The following PLCXD2 variants were observed in gnomAD, a reference collection of about 807,000 sequenced individuals.
PLCXD2 encodes the protein PI-PLC X domain-containing protein 2.
Under a neutral mutation model 28.6 loss-of-function variants are expected in PLCXD2, and 21 were observed. The observed-to-expected ratio is 0.73, with a 90% CI of 0.52 to 1.06. PLCXD2 has a LOEUF of 1.06. Among genes scored for constraint, PLCXD2 ranks in the 50% least tolerant of loss-of-function variants. PLCXD2 has a pLI of 0.00. For synonymous variants in PLCXD2, 140 were observed against 150.1 expected (o/e 0.93, Z 0.49); for missense variants, 369 against 376.7 (o/e 0.98, Z 0.17).
At position 111,690,285 on chromosome 3, in the gene PLCXD2, C is replaced by A. The variant is rs140990396; in HGVS notation, c.163+14877C>A. Among the ~76,000 whole-genome samples the A allele has an allele frequency of 7.0e-4, 107 of 152,262 alleles. 2 individuals carry two copies. Among genetic ancestry groups the A allele is most frequent in the African/African-American group, 2.5e-3 (105 of 41,538 alleles). ...TCTTTTCATCTGAGGCCATTTGCTC[C>A]CATGTCGGGACTCTAATGCATGAGC... On this transcript the variant is annotated intron_variant, in intron 1 of 4. Transcript: ENST00000477665.
At chr3:111,686,494 T>C (rs1374169910) in intron 1 of PLCXD2, among the ~76,000 whole-genome samples, 3 of 152,214 alleles carry the variant, frequency 2.0e-5, no homozygotes, top group Non-Finnish European at 4.4e-5. Flanking sequence ...CCCACATGCC[T>C]CATGGAAAAT....
intron 1 of PLCXD2, among the ~76,000 whole-genome samples, chr3:111,697,772 T>G (rs980868025): frequency 6.6e-6 from 1 of 152,228 alleles, no homozygotes; most frequent in Non-Finnish European, 1.5e-5. Context: ...TAATTTTATG[T>G]TGTTAAAAAT....
Position 111,707,966 on chromosome 3 carries a change from C to A in PLCXD2, c.204C>A (p.Ser68=), listed in dbSNP as rs1199442644. ...TCAGCTACTGGGTGGATGAAAAGTC[C>A]CCAGTGGGGCCTGACCAAACCCAAG... Residue 68 remains serine, a synonymous_variant, in exon 2 of 5, where the codon TCC becomes TCA. Coordinates refer to ENST00000477665, the MANE Select transcript of PLCXD2 (RefSeq NM_001185106.1). The A allele has an allele frequency of 1.2e-6, 2 of 1,613,998 alleles. No individual in the cohort carries two copies. Among genetic ancestry groups the A allele is most frequent in the Non-Finnish European group, 1.7e-6 (2 of 1,179,988 alleles).
chr3:111,713,281 T>C (rs1006522149), intron 2 of PLCXD2, among the ~76,000 whole-genome samples: 9 of 152,262 alleles, frequency 5.9e-5, no homozygotes, highest in African/African-American at 1.7e-4. Context: ...AAAAAATACA[T>C]ATTCATTTTT....
rs1267352989 is a variant in PLCXD2, at chr3:111,675,115, C to G, written c.-131C>G. On this transcript the variant is annotated 5_prime_UTR_variant, in exon 1 of 5. Transcript: ENST00000477665. Reference sequence around the variant, plus strand: ...AAGGATCCATCTGTTTGCCCCGTCCCCCAGCCAGAAAGGCATTTTGGAAAG... The same window carrying G: ...AAGGATCCATCTGTTTGCCCCGTCCGCCAGCCAGAAAGGCATTTTGGAAAG... The G allele has an allele frequency of 9.0e-7, 1 of 1,111,788 alleles. No individual in the cohort carries two copies. Among genetic ancestry groups the G allele is most frequent in the South Asian group, 1.5e-5 (1 of 67,266 alleles). The allele number at this position is 1,111,788 out of a possible 1,614,324, so 68.9% of individuals were successfully genotyped here.
intron 2 of PLCXD2, among the ~76,000 whole-genome samples, chr3:111,709,158 C>T (rs1941164990): frequency 6.6e-6 from 1 of 151,070 alleles, no homozygotes; most frequent in Non-Finnish European, 1.5e-5. Context: ...ATGCATTAAC[C>T]AAAACAACTT....
intron 1 of PLCXD2, among the ~76,000 whole-genome samples, chr3:111,687,921 C>T (rs533050274): frequency 6.6e-6 from 1 of 152,154 alleles, no homozygotes; most frequent in South Asian, 2.1e-4. Context: ...GATCCTCTCG[C>T]AATGACCTCC....
chr3:111,686,325 G>A (rs756802173), intron 1 of PLCXD2, among the ~76,000 whole-genome samples: 2 of 152,198 alleles, frequency 1.3e-5, no homozygotes, highest in South Asian at 2.1e-4. Context: ...AAAAGAATAA[G>A]TTGATCAACA....
chr3:111,715,612 A>G (rs1941257299), intron 3 of PLCXD2, among the ~76,000 whole-genome samples: 1 of 152,194 alleles, frequency 6.6e-6, no homozygotes, highest in Non-Finnish European at 1.5e-5. Flanking sequence ...TTTGCAGATG[A>G]TTTCATTTGA....
intron 1 of PLCXD2, among the ~76,000 whole-genome samples, chr3:111,699,479 G>A (rs1258985448): frequency 6.6e-6 from 1 of 152,086 alleles, no homozygotes; most frequent in Non-Finnish European, 1.5e-5. Flanking sequence ...ATCCCCAAAT[G>A]GCAACCCTCA....
rs543676519 is a variant in PLCXD2 at position 111,691,654 on chromosome 3, C to T, written c.163+16246C>T. On this transcript the variant is annotated intron_variant, in intron 1 of 4. Transcript: ENST00000477665. ...TTATTGAAAGTAAATGAACAATGCA[C>T]TTGACTTGTTTAATCAATAAGGACA... 7.5e-4 allele frequency among the ~76,000 whole-genome samples: 114 copies of T among 152,334 alleles called. 1 individual carries two copies. Among genetic ancestry groups the T allele is most frequent in the Admixed American group, 3.0e-3 (46 of 15,300 alleles).
intron 1 of PLCXD2, among the ~76,000 whole-genome samples, chr3:111,676,248 A>G (rs540800775): frequency 1.3e-5 from 2 of 152,202 alleles, no homozygotes; most frequent in South Asian, 4.1e-4. Flanking sequence ...ACTGGAAAGC[A>G]CTCCTAGAAG....
chr3:111,689,024 T>C (rs1247842029), intron 1 of PLCXD2, among the ~76,000 whole-genome samples: 1 of 152,064 alleles, frequency 6.6e-6, no homozygotes, highest in Non-Finnish European at 1.5e-5. Context: ...ATAAGAGATA[T>C]ACAAGAGTTC....
intron 3 of PLCXD2, among the ~76,000 whole-genome samples, chr3:111,716,679 A>G (rs942374611): frequency 1.3e-5 from 2 of 152,172 alleles, no homozygotes; most frequent in Admixed American, 1.3e-4. Flanking sequence ...GCAGCCTGAC[A>G]TGCTCCCTGT....
chr3:111,703,503 A>G (rs1941075675), intron 1 of PLCXD2, among the ~76,000 whole-genome samples: 1 of 152,174 alleles, frequency 6.6e-6, no homozygotes, highest in African/African-American at 2.4e-5. Context: ...CCAACAAGAG[A>G]ACACCAGAGG....
intron 2 of PLCXD2, 122 bp downstream of exon 2, chr3:111,708,508 A>C: frequency 1.1e-6 from 1 of 948,240 alleles, no homozygotes. Context: ...GATTGTTTGG[A>C]ATATTAAACA....
In PLCXD2 at chr3:111,707,950, G is replaced by A. The variant is rs1341217320; in HGVS notation, c.188G>A (p.Trp63Ter). 1.9e-6 allele frequency: 3 copies of A among 1,613,884 alleles called. No individual in the cohort carries two copies. The highest frequency in any genetic ancestry group is 2.2e-5 in the South Asian group (2 of 91,042). ...GGCTCACATGATTCATTCAGCTACT[G>A]GGTGGATGAAAAGTCCCCAGTGGGG... Residue 63 changes from tryptophan (W) to a stop codon, truncating the protein, a stop_gained, in exon 2 of 5, where the codon TGG (tryptophan) becomes TAG (stop). Coordinates refer to ENST00000477665, the MANE Select transcript of PLCXD2 (RefSeq NM_001185106.1). LOFTEE classifies it high-confidence loss of function.
At chr3:111,691,182 A>G (rs902134690) in intron 1 of PLCXD2, among the ~76,000 whole-genome samples, 4 of 152,244 alleles carry the variant, frequency 2.6e-5, no homozygotes, top group Admixed American at 6.5e-5. Context: ...ATTTACAGGC[A>G]TATTTTCTGT....
rs373908921 is a variant in PLCXD2 at position 111,720,398 on chromosome 3, G to A, written c.866+6270G>A. Among the ~76,000 whole-genome samples the A allele has an allele frequency of 7.0e-4, 107 of 152,088 alleles. 1 individual carries two copies. Among genetic ancestry groups the A allele is most frequent in the African/African-American group, 2.3e-3 (94 of 41,490 alleles). Reference sequence around the variant, plus strand: ...GATCCACCCACCTCAGCCCCCCAAAGTGCCGGGATTACAGGCATGAGCCAC... The same window carrying A: ...GATCCACCCACCTCAGCCCCCCAAAATGCCGGGATTACAGGCATGAGCCAC... On this transcript the variant is annotated intron_variant, in intron 3 of 4. Coordinates refer to ENST00000477665, the MANE Select transcript of PLCXD2 (RefSeq NM_001185106.1).
Sources: allele counts gnomAD v4.1 joint callset (sites outside exome capture counted in the v4.1 genomes callset), GRCh38; gene constraint gnomAD v4.1.1; transcripts MANE v1.5; gene names NCBI Gene and HGNC (gene_info 2026-07-23, HGNC 2026-07-21).